The following BPIFC variants were observed in gnomAD, a reference collection of about 807,000 sequenced individuals.
The protein encoded by BPIFC is BPI fold-containing family C protein.
In BPIFC, 60 loss-of-function variants were observed where a neutral mutation model predicts 57.6. The observed-to-expected ratio is 1.04, with a 90% confidence interval of 0.85 to 1.29. The LOEUF is 1.29. BPIFC is among the 50% of genes most tolerant of loss of function. BPIFC has a pLI of 0.00. For synonymous variants in BPIFC, 243 were observed against 224.5 expected, an observed-to-expected ratio of 1.08 and a Z score of -0.74; for missense variants, 581 against 600.5, an observed-to-expected ratio of 0.97 and a Z score of 0.34.
At chr22:32,432,933 T>C (rs1191940987) in intron 11 of BPIFC, among the ~76,000 whole-genome samples, 2 of 152,196 alleles carry the variant, frequency 1.3e-5, no homozygotes, top group Non-Finnish European at 2.9e-5. Flanking sequence ...CTGGGCACAG[T>C]GGCTCATGCC....
At chr22:32,435,615 G>A (rs966425751) in intron 10 of BPIFC, 89 bp downstream of exon 10, 7 of 1,394,510 alleles carry the variant, frequency 5.0e-6, no homozygotes, top group East Asian at 4.6e-5. Flanking sequence ...TCCCAGAATC[G>A]AAATTGTGGC....
At position 32,431,447 on chromosome 22, in the gene BPIFC, G is replaced by A. The variant is rs762564851; in HGVS notation, c.1150-33C>T. On this transcript the variant is annotated intron_variant, in intron 12 of 16. Transcript: ENST00000300399. ...CAATAAAAGCATTTATTATTAAGAC[G>A]AGTGAGTGTCAATTTTGGCCATCAG... The A allele has an allele frequency of 2.3e-5, 28 of 1,202,104 alleles. 3 individuals are homozygous for A. Among genetic ancestry groups the A allele is most frequent in the Non-Finnish European group, 3.0e-5 (25 of 827,216 alleles). The allele number at this position is 1,202,104 out of a possible 1,614,324, so 74.5% of individuals were successfully genotyped here.
intron 13 of BPIFC, among the ~76,000 whole-genome samples, 160 bp downstream of exon 13, chr22:32,431,187 T>A (rs1360265984): frequency 1.3e-5 from 2 of 151,434 alleles, no homozygotes; most frequent in Non-Finnish European, 3.0e-5. Context: ...GATCTTGGCT[T>A]ACTGCAACCT....
chr22:32,422,563 C>G (rs571640725), intron 13 of BPIFC, among the ~76,000 whole-genome samples: 20 of 152,014 alleles, frequency 1.3e-4, no homozygotes, highest in Non-Finnish European at 2.2e-4. Context: ...AAAAATTAGC[C>G]AGGCATGGTG....
chr22:32,417,113 A>T lies in BPIFC; in HGVS notation c.1296T>A (p.Leu432=). The change falls in exon 15 of 17, where the codon CTT becomes CTA. Residue 432 remains leucine, a synonymous_variant. Coordinates refer to ENST00000300399, the MANE Select transcript of BPIFC (RefSeq NM_174932.3). ...TGGCCAGTGGGAGGACTCCAAAGTGAAGAATGGACGATAGAATATTTTCAA... is the reference window on the plus strand; with the variant it reads ...TGGCCAGTGGGAGGACTCCAAAGTGTAGAATGGACGATAGAATATTTTCAA... ...LRFENILSSI[L]HFGVLPLANA... is the part of the protein sequence containing the mutation. 1.2e-6 allele frequency: 2 copies of T among 1,607,146 alleles called. No homozygotes were observed. The highest frequency in any genetic ancestry group is 1.7e-6 in the Non-Finnish European group (2 of 1,173,762).
rs975289912 is a variant in BPIFC at position 32,432,398 on chromosome 22, A to G, written c.1124T>C (p.Val375Ala). The G allele has an allele frequency of 3.7e-6, 6 of 1,614,022 alleles. No homozygotes were observed. The African/African-American group carries it at 8.0e-5, about 22-fold the overall frequency. The change falls in exon 12 of 17, where the codon GTT becomes GCT. Residue 375 changes from valine (V) to alanine (A), a missense_variant. Coordinates refer to ENST00000300399, the MANE Select transcript of BPIFC (RefSeq NM_174932.3). ...GAAGTCCATGGAAACGATGGTTTCA[A>G]CTGTGGAGTTCTTGGGTTGGGTGAG... ...MMLTQPKNST[V>A]ETIVSMDFVA...
At chr22:32,461,519 C>A (rs961321595) in intron 2 of BPIFC, 55 bp downstream of exon 2, 1 of 930,958 alleles carries the variant, frequency 1.1e-6, no homozygotes, top group Non-Finnish European at 1.3e-6. Context: ...CCTCCATGTC[C>A]TGAGAGGCAG....
chr22:32,430,635 T>C (rs1278704579), intron 13 of BPIFC, among the ~76,000 whole-genome samples: 2 of 150,112 alleles, frequency 1.3e-5, no homozygotes, highest in African/African-American at 4.9e-5. Context: ...ATATAAAATA[T>C]GTGAGAGAGA....
intron 16 of BPIFC, 52 bp downstream of exon 16, chr22:32,415,863 G>T: frequency 7.7e-7 from 1 of 1,302,126 alleles, no homozygotes; most frequent in South Asian, 1.5e-5. Flanking sequence ...AGGAGGCTTA[G>T]TCTACTATAA....
At chr22:32,414,983 C>T (rs959331833) in intron 16 of BPIFC, among the ~76,000 whole-genome samples, 3 of 152,168 alleles carry the variant, frequency 2.0e-5, no homozygotes, top group African/African-American at 7.2e-5. Flanking sequence ...TAGTGTAGGG[C>T]AGCGGTCCCC....
intron 13 of BPIFC, among the ~76,000 whole-genome samples, chr22:32,423,367 C>G (rs1231707807): frequency 1.3e-5 from 2 of 152,188 alleles, no homozygotes; most frequent in East Asian, 3.8e-4. Flanking sequence ...TGGCATTCTT[C>G]TGCCATGGCT....
At chr22:32,435,277 A>T (rs1433327539) in intron 10 of BPIFC, among the ~76,000 whole-genome samples, 1 of 152,148 alleles carries the variant, frequency 6.6e-6, no homozygotes, top group Non-Finnish European at 1.5e-5. Context: ...CAGAACTGGA[A>T]ACTTGACAAC....
chr22:32,416,373 G>A (rs905443718), intron 15 of BPIFC, among the ~76,000 whole-genome samples: 8 of 152,158 alleles, frequency 5.3e-5, no homozygotes, highest in African/African-American at 1.9e-4. Flanking sequence ...GTGAGCCACT[G>A]AGCCCGGCAT....
At chr22:32,449,777 C>T (rs994498884) in intron 4 of BPIFC, among the ~76,000 whole-genome samples, 1 of 151,534 alleles carries the variant, frequency 6.6e-6, no homozygotes, top group Non-Finnish European at 1.5e-5. Context: ...CTCTGTCGCC[C>T]GGGCTGGAGT....
intron 13 of BPIFC, 143 bp downstream of exon 13, chr22:32,431,204 C>T (rs1016800249): frequency 1.3e-5 from 8 of 609,362 alleles, no homozygotes; most frequent in Admixed American, 6.1e-5. Context: ...ACCTCTGCCT[C>T]CCGGGTTCAA....
intron 5 of BPIFC, 114 bp downstream of exon 5, chr22:32,447,098 T>A: frequency 7.4e-7 from 1 of 1,350,312 alleles, no homozygotes; most frequent in Non-Finnish European, 9.7e-7. Flanking sequence ...TGAGAAAGAT[T>A]GTTAATAATG....
At chr22:32,448,580 G>A (rs546503325) in intron 4 of BPIFC, among the ~76,000 whole-genome samples, 48 of 152,146 alleles carry the variant, frequency 3.2e-4, no homozygotes, top group Non-Finnish European at 1.2e-4. Flanking sequence ...GCTGTCAAAA[G>A]GGTAACTAGG....
chr22:32,416,782 G>A (rs944572695), intron 15 of BPIFC, among the ~76,000 whole-genome samples: 1 of 152,164 alleles, frequency 6.6e-6, no homozygotes, highest in South Asian at 2.1e-4. Flanking sequence ...CGGTTGACTG[G>A]AAGGAGATTC....
chr22:32,417,466 C>A lies in BPIFC; in HGVS notation c.1261-318G>T, dbSNP rs537708802. Among the ~76,000 whole-genome samples, 70 of 152,296 alleles carry A rather than the reference C, an allele frequency of 4.6e-4. 1 individual carries two copies. The South Asian group carries it at 8.1e-3, about 18-fold the overall frequency. Reference sequence around the variant, plus strand: ...AGGATTACAGGTGGGAGCCACCACACCTGGCCAATCATGGGTGCTTCGAAA... The same window carrying A: ...AGGATTACAGGTGGGAGCCACCACAACTGGCCAATCATGGGTGCTTCGAAA... On this transcript the variant is annotated intron_variant, in intron 14 of 16. Transcript: ENST00000300399.
Sources: gnomAD v4.1 joint callset for allele counts (sites outside exome capture counted in the v4.1 genomes callset) on GRCh38, gnomAD v4.1.1 for gene constraint, MANE v1.5 for transcripts, NCBI Gene and HGNC (gene_info 2026-07-23, HGNC 2026-07-21) for gene names.